The following NASP variants were observed in gnomAD, a reference collection of about 807,000 sequenced individuals.
The protein encoded by NASP is NASP histone chaperone.
Under a neutral mutation model 89.5 loss-of-function variants are expected in NASP, and 24 were observed. The ratio of observed to expected loss-of-function variants is 0.27; its 90% confidence interval spans 0.19 to 0.38. The LOEUF (loss-of-function observed/expected upper bound fraction) is 0.38, where lower values mean the gene tolerates loss of function less well. Ranked by LOEUF, NASP falls within the 10% of genes least tolerant of loss-of-function variation. The probability of loss-of-function intolerance (pLI) is 1.00; values close to 1 mark genes in which losing one functional copy is unlikely to be tolerated. For synonymous variants in NASP, 306 were observed against 324.7 expected, an observed-to-expected ratio of 0.94 and a Z score of 0.62; for missense variants, 848 against 921.4, an observed-to-expected ratio of 0.92 and a Z score of 1.03.
At position 45,613,162 on chromosome 1, in the gene NASP, C is replaced by T. The variant is rs757128832; in HGVS notation, c.1427-7C>T. 26 of 1,600,614 alleles carry T rather than the reference C, an allele frequency of 1.6e-5. No individual in the cohort carries two copies. Among genetic ancestry groups the T allele is most frequent in the South Asian group, 4.5e-5 (4 of 88,906 alleles). On this transcript the variant is annotated splice_polypyrimidine_tract_variant and splice_region_variant and intron_variant, in intron 6 of 14. Transcript: ENST00000350030. Reference sequence around the variant, plus strand: ...TATTCTCAATACTGAGGAATTTTTACTTGTAGAAACTGAAGGCTCAGAAGA... The same window carrying T: ...TATTCTCAATACTGAGGAATTTTTATTTGTAGAAACTGAAGGCTCAGAAGA...
rs1456700060 is a variant in NASP at position 45,588,963 on chromosome 1, GTT to G, written c.60-2258_60-2257del. 1.9e-4 allele frequency: 32 copies of G among 167,292 alleles called. No individual in the cohort carries two copies. The South Asian group carries it at 2.4e-3, about 13-fold the overall frequency. 10.4% of individuals were successfully genotyped at this position (167,292 alleles called of 1,614,324 possible). ...AGCAGTAGCAGGTGGTCAAGTGTTT[GTT>G]TGTTTGTTTGTTTGTTTGTGAGTGT... On this transcript the variant is annotated intron_variant, in intron 1 of 14. Coordinates refer to ENST00000350030, the MANE Select transcript of NASP (RefSeq NM_002482.4).
chr1:45,586,502 G>A (rs1052761579), intron 1 of NASP, among the ~76,000 whole-genome samples: 3 of 152,066 alleles, frequency 2.0e-5, no homozygotes, highest in East Asian at 3.9e-4. Context: ...TGCCCAGGCT[G>A]GTCTCCCAAC....
At chr1:45,617,932 C>T in intron 14 of NASP, 129 bp from the exon 15 acceptor site, 1 of 763,320 alleles carries the variant, frequency 1.3e-6, no homozygotes, top group Non-Finnish European at 2.2e-6. Flanking sequence ...GGTCACTGCC[C>T]TCTTAATATA....
intron 2 of NASP, among the ~76,000 whole-genome samples, chr1:45,598,272 G>A (rs1451938759): frequency 6.6e-6 from 1 of 150,788 alleles, no homozygotes; most frequent in African/African-American, 2.4e-5. Flanking sequence ...CCAGGTTTAA[G>A]CAATTCTCCT....
chr1:45,608,574 G>A (rs181430421), intron 6 of NASP, among the ~76,000 whole-genome samples: 31 of 152,206 alleles, frequency 2.0e-4, no homozygotes, highest in Non-Finnish European at 1.9e-4. Flanking sequence ...TGCAAAATAG[G>A]CCTTCTGTGT....
At chr1:45,586,164 T>TG (rs945495007) in intron 1 of NASP, among the ~76,000 whole-genome samples, 50 of 81,946 alleles carry the variant, frequency 6.1e-4, no homozygotes, top group Middle Eastern at 5.4e-3. Flanking sequence ...TGTGTGGGGG[T>TG]GGGGGGGCAG....
chr1:45,584,546 T>G (rs1557644916), intron 1 of NASP, among the ~76,000 whole-genome samples: 1 of 152,136 alleles, frequency 6.6e-6, no homozygotes, highest in Non-Finnish European at 1.5e-5. Flanking sequence ...GGGTTGGCCT[T>G]CACGCCCCTT....
Position 45,614,334 on chromosome 1 carries a change from A to G in NASP, c.1634A>G (p.His545Arg). ...GCACAGCTTTATGCTGCCCAGGCAC[A>G]TCTTAAACTCGGAGAAGTTAGTGTT... ...KEAQLYAAQA[H>R]LKLGEVSVES... is the part of the protein sequence containing the mutation. The change falls in exon 9 of 15, where the codon CAT becomes CGT. Residue 545 changes from histidine to arginine, a missense_variant. This residue lies in a region of NASP where 60 missense variants were observed against 114.6 expected (regional missense o/e 0.52). Transcript: ENST00000350030. 6.2e-7 allele frequency: 1 copy of G among 1,614,090 alleles called. No individual in the cohort carries two copies. Among genetic ancestry groups the G allele is most frequent in the Admixed American group, 1.7e-5 (1 of 60,022 alleles).
chr1:45,602,047 C>T (rs944384339), intron 2 of NASP, among the ~76,000 whole-genome samples: 3 of 152,052 alleles, frequency 2.0e-5, no homozygotes, highest in Non-Finnish European at 2.9e-5. Flanking sequence ...TCACCGCACC[C>T]AACTGAGAAA....
intron 6 of NASP, chr1:45,612,687 TC>T (rs1489562071): frequency 1.3e-5 from 2 of 152,762 alleles, no homozygotes; most frequent in Non-Finnish European, 2.9e-5. Flanking sequence ...TTGCTCCACA[TC>T]TCTGTTGTGG....
At chr1:45,601,889 A>T (rs1643856365) in intron 2 of NASP, among the ~76,000 whole-genome samples, 1 of 149,842 alleles carries the variant, frequency 6.7e-6, no homozygotes, top group African/African-American at 2.5e-5. Flanking sequence ...CGTAGCTGGG[A>T]CTACAGGCAC....
In NASP at chr1:45,616,643, A is replaced by T. The variant is rs775632463; in HGVS notation, c.2097A>T (p.Pro699=). 1.5e-5 allele frequency: 25 copies of T among 1,614,174 alleles called. No homozygotes were observed. The East Asian group carries it at 5.6e-4, about 36-fold the overall frequency. ...SSVSMIASRK[P]TDGASSSNCV... ...TTTGCCAGATTGCCAGTAGAAAGCC[A>T]ACAGACGGTGCTTCCTCATCAAATT... Residue 699 remains proline, a synonymous_variant, in exon 13 of 15, where the codon CCA becomes CCT. Transcript: ENST00000350030.
At chr1:45,600,284 A>T in intron 2 of NASP, 1 of 650,104 alleles carries the variant, frequency 1.5e-6, no homozygotes, top group South Asian at 4.2e-5. Flanking sequence ...GTTTCTACAT[A>T]TGTATACACC....
chr1:45,616,337 G>A lies in NASP; in HGVS notation c.2023G>A (p.Val675Met). The A allele has an allele frequency of 6.2e-7, 1 of 1,614,096 alleles. No homozygotes were observed. Among genetic ancestry groups the A allele is most frequent in the Non-Finnish European group, 8.5e-7 (1 of 1,179,916 alleles). ...VAELALKATL[V>M]ESSTSGFTPG... Reference sequence around the variant, plus strand: ...AATTTGGATTTGTCATTTCTCGCAGGTGGAGAGTTCTACTTCAGGTTTCAC... The same window carrying A: ...AATTTGGATTTGTCATTTCTCGCAGATGGAGAGTTCTACTTCAGGTTTCAC... Residue 675 changes from valine to methionine, a missense_variant and splice_region_variant, in exon 12 of 15, where the codon GTG becomes ATG. Physicochemically the swap from Val to Met is conservative, Grantham distance 21. Transcript: ENST00000350030.
chr1:45,616,688 C>G lies in NASP; in HGVS notation c.2142C>G (p.His714Gln). ...SSSNCVTDIS[H>Q]LVRKKRKPEE... Reference sequence around the variant, plus strand: ...CAAATTGTGTGACTGATATTTCCCACCTTGTCAGAAAGAAGGTAAGTCTAC... The same window carrying G: ...CAAATTGTGTGACTGATATTTCCCAGCTTGTCAGAAAGAAGGTAAGTCTAC... The change falls in exon 13 of 15, where the codon CAC becomes CAG. Residue 714 changes from histidine (H) to glutamine (Q), a missense_variant. Physicochemically the swap from His to Gln is conservative, Grantham distance 24. Around this residue, in one of 5 missense-constraint regions of NASP, gnomAD observed 218 missense variants for 219.6 expected, o/e 0.99. Coordinates refer to ENST00000350030, the MANE Select transcript of NASP (RefSeq NM_002482.4). 1 of 1,613,690 alleles carries G rather than the reference C, an allele frequency of 6.2e-7. No homozygotes were observed. The highest frequency in any genetic ancestry group is 1.3e-5 in the African/African-American group (1 of 75,052).
chr1:45,586,245 T>G (rs1382210929), intron 1 of NASP, among the ~76,000 whole-genome samples: 1 of 50,808 alleles, frequency 2.0e-5, no homozygotes. Flanking sequence ...GTGCCGTGTG[T>G]GTGTGTGTGT....
At chr1:45,603,755 A>G (rs1643879586) in intron 3 of NASP, among the ~76,000 whole-genome samples, 1 of 151,948 alleles carries the variant, frequency 6.6e-6, no homozygotes, top group South Asian at 2.1e-4. Flanking sequence ...GATTACAGGC[A>G]TGCATCACCA....
chr1:45,589,728 C>T (rs1643476288), intron 1 of NASP, among the ~76,000 whole-genome samples: 2 of 151,954 alleles, frequency 1.3e-5, no homozygotes, highest in Non-Finnish European at 1.5e-5. Flanking sequence ...GGTGAAACCC[C>T]ATCTCTGGTA....
At chr1:45,584,865 G>A (rs1397188963) in intron 1 of NASP, among the ~76,000 whole-genome samples, 1 of 152,208 alleles carries the variant, frequency 6.6e-6, no homozygotes, top group Non-Finnish European at 1.5e-5. Flanking sequence ...CCGACACCTC[G>A]CTCACGTCTT....
Sources: allele counts gnomAD v4.1 joint callset (sites outside exome capture counted in the v4.1 genomes callset), GRCh38; gene constraint gnomAD v4.1.1; regional missense constraint gnomAD v4.1.1; transcripts MANE v1.5; gene names NCBI Gene and HGNC (gene_info 2026-07-23, HGNC 2026-07-21).